Variants in SOD2 observed in about 807,000 individuals in gnomAD.
The protein encoded by SOD2 is superoxide dismutase 2.
A neutral mutation model predicts 27.0 loss-of-function variants in SOD2; 11 were observed. The ratio of observed to expected loss-of-function variants is 0.41; its 90% CI spans 0.26 to 0.67. The LOEUF is 0.67. SOD2 is among the 30% of genes least tolerant of loss of function. The probability of loss-of-function intolerance (pLI) is 0.34; values close to 1 mark genes in which losing one functional copy is unlikely to be tolerated. For synonymous variants in SOD2, 105 were observed against 103.0 expected, an observed-to-expected ratio of 1.02 and a Z score of -0.12; for missense variants, 250 against 274.5, an observed-to-expected ratio of 0.91 and a Z score of 0.63.
chr6:159,744,368 G>A (rs1779440786), intron 1 of SOD2, among the ~76,000 whole-genome samples: 1 of 152,194 alleles, frequency 6.6e-6, no homozygotes, highest in Admixed American at 6.5e-5. Context: ...ATTAGAGGCA[G>A]CTGTATCCTT....
intron 1 of SOD2, among the ~76,000 whole-genome samples, chr6:159,722,488 T>C (rs1277466785): frequency 2.6e-5 from 4 of 152,356 alleles, no homozygotes; most frequent in East Asian, 1.9e-4. Context: ...CTACCAATGA[T>C]GGAAAAATAG....
chr6:159,739,753 T>TGTTTCCTA (rs1408852188), intron 1 of SOD2, among the ~76,000 whole-genome samples: 10 of 151,340 alleles, frequency 6.6e-5, no homozygotes, highest in South Asian at 6.3e-4. Context: ...CAGATTTTGT[T>TGTTTCCTA]GTTTCCTAGA....
chr6:159,761,229 G>T (rs894686170), exon 1 of SOD2: 21 of 198,040 alleles, frequency 1.1e-4, no homozygotes, highest in Non-Finnish European at 2.2e-4. Context: ...ACAAGTTGCT[G>T]TAACGGTGGC....
chr6:159,712,372 T>TAACCACCTCCATAACCACCA, intron 1 of SOD2, among the ~76,000 whole-genome samples: 1 of 92,442 alleles, frequency 1.1e-5, no homozygotes, highest in African/African-American at 4.3e-5. Flanking sequence ...TGCTCTGACC[T>TAACCACCTCCATAACCACCA]CCATAACCAC....
At chr6:159,702,809 C>T (rs1777549149) in intron 1 of SOD2, among the ~76,000 whole-genome samples, 1 of 143,706 alleles carries the variant, frequency 7.0e-6, no homozygotes, top group South Asian at 2.2e-4. Context: ...GTGATGGCAC[C>T]ACTGCACTCC....
intron 1 of SOD2, among the ~76,000 whole-genome samples, chr6:159,712,388 TAACCACCACTCACAC>T (rs1777824852): frequency 1.1e-5 from 1 of 93,654 alleles, no homozygotes; most frequent in Non-Finnish European, 2.3e-5. Flanking sequence ...ACCACCTCCA[TAACCACCACTCACAC>T]TGCTCTGATC....
At chr6:159,743,898 C>A in intron 1 of SOD2, 2 of 1,222,678 alleles carry the variant, frequency 1.6e-6, no homozygotes, top group Non-Finnish European at 2.2e-6. Context: ...AAGAGCTTAT[C>A]TTTTATAGGT....
At chr6:159,718,173 G>A (rs1008679714) in intron 1 of SOD2, among the ~76,000 whole-genome samples, 1 of 151,536 alleles carries the variant, frequency 6.6e-6, no homozygotes, top group African/African-American at 2.4e-5. Context: ...TTATTTTTTT[G>A]TAGAGGTGGG....
chr6:159,723,349 AC>A (rs1778076836), intron 1 of SOD2, among the ~76,000 whole-genome samples: 1 of 152,004 alleles, frequency 6.6e-6, no homozygotes, highest in South Asian at 2.1e-4. Context: ...TCCCCTCCTA[AC>A]CAACCACTGA....
intron 2 of SOD2, among the ~76,000 whole-genome samples, chr6:159,689,703 T>C (rs1011656137): frequency 6.6e-6 from 1 of 152,204 alleles, no homozygotes; most frequent in Admixed American, 6.5e-5. Context: ...CTCACGCCTG[T>C]AATCTCAGCA....
At chr6:159,685,832 G>A (rs914584505) in intron 3 of SOD2, among the ~76,000 whole-genome samples, 3 of 152,266 alleles carry the variant, frequency 2.0e-5, no homozygotes, top group Admixed American at 6.5e-5. Flanking sequence ...GCCTCCAGCT[G>A]CGTAGTTCAC....
chr6:159,749,137 TA>T (rs1779730298), upstream of SOD2: 1 of 985,958 alleles, frequency 1.0e-6, no homozygotes, highest in African/African-American at 1.7e-5. Flanking sequence ...TAGATAATCT[TA>T]CTGAGGACTG....
At chr6:159,713,560 T>A in intron 1 of SOD2, 1 of 768,872 alleles carries the variant, frequency 1.3e-6, no homozygotes, top group South Asian at 1.5e-5. Flanking sequence ...GCCCTGAAAG[T>A]CCACTCACAG....
At chr6:159,700,723 G>A (rs1777509881) in intron 1 of SOD2, among the ~76,000 whole-genome samples, 1 of 151,280 alleles carries the variant, frequency 6.6e-6, no homozygotes, top group African/African-American at 2.4e-5. Context: ...TTTTTTTGAT[G>A]GCATGGATAA....
At chr6:159,739,183 A>G in intron 1 of SOD2, 1 of 633,480 alleles carries the variant, frequency 1.6e-6, no homozygotes, top group South Asian at 2.8e-5. Context: ...TTTTGAGCAT[A>G]CTATGACCTA....
Position 159,743,459 on chromosome 6 carries a change from TTTAG to T in SOD2, c.-116+1667_-116+1670del, listed in dbSNP as rs139595578. Among the ~76,000 whole-genome samples, 13 of 152,338 alleles carry T rather than the reference TTTAG, an allele frequency of 8.5e-5. No individual in the cohort carries two copies. In the East Asian group the frequency reaches 2.3e-3, roughly 27 times the overall value. Reference sequence around the variant, plus strand: ...AGTAGATGAAACTATAAAAACATAATTTAGTTAGTAGTCATGGAGCACTATGACA... The same window carrying T: ...AGTAGATGAAACTATAAAAACATAATTTAGTAGTCATGGAGCACTATGACA... On this transcript the variant is annotated intron_variant, in intron 1 of 3. Transcript: ENST00000537657.
intron 1 of SOD2, among the ~76,000 whole-genome samples, chr6:159,721,675 C>CTTTTT (rs55950207): frequency 7.3e-5 from 6 of 82,250 alleles, no homozygotes; most frequent in African/African-American, 1.0e-4. Flanking sequence ...TGCGGCTGAC[C>CTTTTT]TTTTTTTTTT....
upstream of SOD2, among the ~76,000 whole-genome samples, chr6:159,697,099 T>C (rs939300701): frequency 1.4e-5 from 2 of 147,030 alleles, no homozygotes; most frequent in African/African-American, 2.5e-5. Context: ...CTATACACAT[T>C]TGAAGTCAGA....
chr6:159,732,396 G>C (rs544864368), intron 1 of SOD2, among the ~76,000 whole-genome samples: 5 of 152,272 alleles, frequency 3.3e-5, no homozygotes, highest in South Asian at 2.1e-4. Context: ...GTCATTCACA[G>C]ATCTCTACCA....
Sources: allele counts gnomAD v4.1 joint callset (sites outside exome capture counted in the v4.1 genomes callset), GRCh38; gene constraint gnomAD v4.1.1; transcripts MANE v1.5; gene names NCBI Gene and HGNC (gene_info 2026-07-23, HGNC 2026-07-21).